The following BMPER variants were observed in gnomAD, a reference collection of about 807,000 sequenced individuals.
The protein encoded by BMPER is BMP binding endothelial regulator, also known as BMP-binding endothelial regulator protein.
In BMPER, 45 loss-of-function variants were observed where a neutral mutation model predicts 87.3. The ratio of observed to expected loss-of-function variants is 0.52; its 90% confidence interval spans 0.41 to 0.66. The LOEUF is 0.66. Among genes scored for constraint, BMPER ranks in the 30% least tolerant of loss-of-function variants. BMPER has a pLI of 0.00. For missense variants in BMPER, 784 were observed against 867.5 expected (o/e 0.90, Z 1.21); for synonymous variants, 326 against 316.2 (o/e 1.03, Z -0.33).
intron 6 of BMPER, among the ~76,000 whole-genome samples, chr7:34,015,811 T>G (rs1787006753): frequency 6.6e-6 from 1 of 151,980 alleles, no homozygotes; most frequent in Non-Finnish European, 1.5e-5. Context: ...GACCTTGTTC[T>G]GAGCAATGTG....
intron 3 of BMPER, among the ~76,000 whole-genome samples, chr7:33,938,519 CGCCAGGATCTA>C (rs1784666458): frequency 6.6e-6 from 1 of 152,174 alleles, no homozygotes. Context: ...TGCCCAGGGC[CGCCAGGATCTA>C]GGAAAGGCAA....
At chr7:33,973,303 C>T (rs539570474) in intron 5 of BMPER, among the ~76,000 whole-genome samples, 5 of 152,302 alleles carry the variant, frequency 3.3e-5, no homozygotes, top group African/African-American at 9.6e-5. Context: ...TGGGCATCTG[C>T]CATAGTAACA....
At chr7:34,058,225 C>T in intron 10 of BMPER, 62 bp downstream of exon 10, 5 of 1,452,874 alleles carry the variant, frequency 3.4e-6, no homozygotes, top group Middle Eastern at 4.0e-4. Flanking sequence ...GTGTGTGGCA[C>T]AGTCGCATGC....
At chr7:34,151,874 G>A (rs577775107) in intron 14 of BMPER, among the ~76,000 whole-genome samples, 2 of 152,346 alleles carry the variant, frequency 1.3e-5, no homozygotes, top group East Asian at 3.9e-4. Flanking sequence ...AAGAGCTGAT[G>A]AGAAGTCATT....
intron 13 of BMPER, among the ~76,000 whole-genome samples, chr7:34,097,695 G>A (rs1789565586): frequency 6.6e-6 from 1 of 152,118 alleles, no homozygotes; most frequent in Non-Finnish European, 1.5e-5. Flanking sequence ...GAATCATTGT[G>A]CCAGGTGAGG....
At chr7:33,932,168 T>C (rs964942800) in intron 2 of BMPER, among the ~76,000 whole-genome samples, 4 of 152,184 alleles carry the variant, frequency 2.6e-5, no homozygotes, top group Admixed American at 2.6e-4. Flanking sequence ...ATTGGCTATT[T>C]GGGATGAATG....
chr7:34,098,648 G>C (rs1002536905), intron 13 of BMPER, among the ~76,000 whole-genome samples: 1 of 152,148 alleles, frequency 6.6e-6, no homozygotes, highest in African/African-American at 2.4e-5. Context: ...CGAGCATGAA[G>C]GTAGATGCAT....
chr7:33,969,811 G>C (rs1413970849), intron 4 of BMPER, among the ~76,000 whole-genome samples: 1 of 152,166 alleles, frequency 6.6e-6, no homozygotes, highest in Non-Finnish European at 1.5e-5. Context: ...TGAGACCCAG[G>C]CTCTGTGTGA....
chr7:33,965,267 T>C (rs1188887009), intron 3 of BMPER, among the ~76,000 whole-genome samples: 1 of 152,162 alleles, frequency 6.6e-6, no homozygotes, highest in African/African-American at 2.4e-5. Context: ...GAGAGCAGAG[T>C]ATTACTGAGC....
At chr7:33,938,213 A>G (rs1355767550) in intron 3 of BMPER, among the ~76,000 whole-genome samples, 1 of 152,176 alleles carries the variant, frequency 6.6e-6, no homozygotes, top group African/African-American at 2.4e-5. Flanking sequence ...GCAGGAGGCA[A>G]CATTAGCCCA....
chr7:33,929,545 A>C (rs1467246387), intron 2 of BMPER, among the ~76,000 whole-genome samples: 1 of 152,236 alleles, frequency 6.6e-6, no homozygotes, highest in African/African-American at 2.4e-5. Flanking sequence ...TGGGGTGCTC[A>C]ACAAAGGCAA....
chr7:33,943,971 A>G (rs1442828761), intron 3 of BMPER, among the ~76,000 whole-genome samples: 1 of 152,192 alleles, frequency 6.6e-6, no homozygotes, highest in Non-Finnish European at 1.5e-5. Flanking sequence ...AATAAAGTGT[A>G]GAAAGCACTG....
chr7:33,951,470 A>G (rs1473848630), intron 3 of BMPER, among the ~76,000 whole-genome samples: 1 of 151,980 alleles, frequency 6.6e-6, no homozygotes, highest in Non-Finnish European at 1.5e-5. Flanking sequence ...ACTTTGACCC[A>G]TTTTTTACAT....
intron 13 of BMPER, among the ~76,000 whole-genome samples, chr7:34,101,145 C>A (rs1789671463): frequency 6.6e-6 from 1 of 152,162 alleles, no homozygotes; most frequent in African/African-American, 2.4e-5. Flanking sequence ...ATAGTTTAGT[C>A]CAAATGCTTC....
chr7:33,921,974 G>T (rs1237247328), intron 2 of BMPER: 7 of 397,368 alleles, frequency 1.8e-5, no homozygotes, highest in Non-Finnish European at 3.6e-5. Flanking sequence ...CCTTCGGCTG[G>T]CAACTTACAG....
At chr7:34,041,299 A>G (rs1787826356) in intron 6 of BMPER, among the ~76,000 whole-genome samples, 1 of 152,122 alleles carries the variant, frequency 6.6e-6, no homozygotes, top group African/African-American at 2.4e-5. Flanking sequence ...TGATAAAAGT[A>G]CCTAAGCACA....
rs866433250 is a variant in BMPER, at chr7:33,971,946, C to T, written c.493+1527C>T. Among the ~76,000 whole-genome samples, 21 of 152,076 alleles carry T rather than the reference C, an allele frequency of 1.4e-4. 1 individual carries two copies. Among genetic ancestry groups the T allele is most frequent in the Non-Finnish European group, 2.4e-4 (16 of 68,022 alleles). On this transcript the variant is annotated intron_variant, in intron 5 of 14. Coordinates refer to ENST00000649409, the MANE Select transcript of BMPER (RefSeq NM_001365308.1). ...GAGATGGAGTCTCACTCTGTCGCCCCGGCTGAAGTACAGTGGTGTGATCTC... is the reference window on the plus strand; with the variant it reads ...GAGATGGAGTCTCACTCTGTCGCCCTGGCTGAAGTACAGTGGTGTGATCTC...
intron 3 of BMPER, among the ~76,000 whole-genome samples, chr7:33,938,113 T>C (rs568653362): frequency 6.6e-6 from 1 of 152,290 alleles, no homozygotes; most frequent in East Asian, 1.9e-4. Flanking sequence ...GTGGTGTGAT[T>C]TTCCCCCTCT....
chr7:34,129,981 CT>C (rs555498506), intron 13 of BMPER, among the ~76,000 whole-genome samples: 1 of 152,058 alleles, frequency 6.6e-6, no homozygotes, highest in Non-Finnish European at 1.5e-5. Context: ...TTTTCTTTTT[CT>C]TTTTTTCAGG....
Sources: gnomAD v4.1 joint callset for allele counts (sites outside exome capture counted in the v4.1 genomes callset) on GRCh38, gnomAD v4.1.1 for gene constraint, MANE v1.5 for transcripts, NCBI Gene and HGNC (gene_info 2026-07-23, HGNC 2026-07-21) for gene names.